COL5A2: variants seen among roughly 807,000 people sequenced by gnomAD.
COL5A2 encodes collagen type V alpha 2 chain.
Under a neutral mutation model 208.2 loss-of-function variants are expected in COL5A2, and 23 were observed. That is an observed-to-expected ratio of 0.11 (90% CI 0.08 to 0.16). The LOEUF (loss-of-function observed/expected upper bound fraction) is 0.16. Ranked by LOEUF, COL5A2 falls within the 10% of genes least tolerant of loss-of-function variation. COL5A2 has a pLI of 1.00. For missense variants in COL5A2, 1,590 were observed against 1,956.4 expected, an observed-to-expected ratio of 0.81 and a Z score of 3.53; for synonymous variants, 625 against 628.5, an observed-to-expected ratio of 0.99 and a Z score of 0.08.
At chr2:189,078,658 C>A in intron 15 of COL5A2, 89 bp from the exon 16 acceptor site, 1 of 1,069,974 alleles carries the variant, frequency 9.3e-7, no homozygotes, top group South Asian at 1.2e-5. Context: ...AATTGAGATT[C>A]AAGATAATTG....
At chr2:189,063,725 A>G (rs1419085080) in intron 26 of COL5A2, among the ~76,000 whole-genome samples, 5 of 152,208 alleles carry the variant, frequency 3.3e-5, no homozygotes, top group Admixed American at 3.3e-4. Context: ...ATTAAAAACT[A>G]TATCATTTTA....
chr2:189,192,969 G>GCTACTTATCACAAGAGGA (rs1379209274), intron 1 of COL5A2, among the ~76,000 whole-genome samples: 4 of 152,170 alleles, frequency 2.6e-5, no homozygotes, highest in African/African-American at 9.7e-5. Context: ...TCACAAGAGT[G>GCTACTTATCACAAGAGGA]CTACTTATCA....
chr2:189,201,083 A>G (rs1689062831), intron 1 of COL5A2, among the ~76,000 whole-genome samples: 2 of 152,042 alleles, frequency 1.3e-5, no homozygotes, highest in South Asian at 2.1e-4. Context: ...AACAAAAAAG[A>G]CTATTATTTT....
the COL5A2 span, among the ~76,000 whole-genome samples, chr2:189,329,086 A>G: frequency 6.6e-6 from 1 of 152,200 alleles, no homozygotes; most frequent in Non-Finnish European, 1.5e-5. Flanking sequence ...GTTTCCATCG[A>G]TGGGGAAGTG....
In COL5A2 at chr2:189,088,732, C is replaced by T; in HGVS notation, c.608G>A (p.Gly203Glu). 6.2e-7 allele frequency: 1 copy of T among 1,614,000 alleles called. No individual in the cohort carries two copies. The highest frequency in any genetic ancestry group is 8.5e-7 in the Non-Finnish European group (1 of 1,179,954). ...CATTAGTCCTACTTGACTCCCAAGT[C>T]CAGATTTTTCATCCAACCCAGCCAT... ...AQMAGLDEKS[G>E]LGSQVGLMPG... Residue 203 changes from glycine (G) to glutamate (E), a missense_variant, in exon 8 of 54, where the codon GGA (glycine) becomes GAA (glutamate). Gly to Glu is a moderately conservative substitution (Grantham distance 98). Coordinates refer to ENST00000374866, the MANE Select transcript of COL5A2 (RefSeq NM_000393.5).
At chr2:189,252,801 A>T in the COL5A2 span, among the ~76,000 whole-genome samples, 236 of 152,234 alleles carry the variant, frequency 1.6e-3, no homozygotes, top group African/African-American at 5.2e-3. Context: ...AAACATAAAA[A>T]ATAAAAAGAC....
intron 1 of COL5A2, among the ~76,000 whole-genome samples, chr2:189,127,329 G>C (rs1687626632): frequency 6.6e-6 from 1 of 151,956 alleles, no homozygotes; most frequent in Non-Finnish European, 1.5e-5. Flanking sequence ...AGAGTGAGTA[G>C]GATTTTGCCA....
At chr2:189,043,056 A>G in intron 48 of COL5A2, 95 bp downstream of exon 48, 1 of 918,404 alleles carries the variant, frequency 1.1e-6, no homozygotes, top group South Asian at 1.4e-5. Context: ...AGATACAAAC[A>G]TATCCACCTA....
At chr2:189,370,419 T>C in the COL5A2 span, among the ~76,000 whole-genome samples, 1 of 152,182 alleles carries the variant, frequency 6.6e-6, no homozygotes, top group South Asian at 2.1e-4. Flanking sequence ...ATCACATTAA[T>C]AGTGTAAAGT....
At chr2:189,383,811 G>C in the COL5A2 span, among the ~76,000 whole-genome samples, 1 of 151,686 alleles carries the variant, frequency 6.6e-6, no homozygotes, top group African/African-American at 2.4e-5. Context: ...TAAATTATTG[G>C]TAACTATCGT....
chr2:189,170,536 G>A (rs1688553682), intron 1 of COL5A2, among the ~76,000 whole-genome samples: 1 of 152,170 alleles, frequency 6.6e-6, no homozygotes, highest in Non-Finnish European at 1.5e-5. Context: ...GCAGAGGGAA[G>A]ATAAAAAGAG....
the COL5A2 span, among the ~76,000 whole-genome samples, chr2:189,306,614 T>G: frequency 7.2e-5 from 11 of 152,212 alleles, no homozygotes; most frequent in Non-Finnish European, 1.2e-4. Flanking sequence ...CAATGGGAAG[T>G]GACACAGATT....
intron 43 of COL5A2, 48 bp downstream of exon 43, chr2:189,050,521 T>C: frequency 7.2e-7 from 1 of 1,388,130 alleles, no homozygotes; most frequent in Non-Finnish European, 1.0e-6. Flanking sequence ...CTCTAAACAA[T>C]TTGTATTGCA....
At chr2:189,187,818 A>T (rs770702154) in intron 1 of COL5A2, among the ~76,000 whole-genome samples, 2 of 151,758 alleles carry the variant, frequency 1.3e-5, no homozygotes, top group African/African-American at 4.8e-5. Context: ...AAAAACAAAA[A>T]ATTAGCCAGG....
chr2:189,432,468 A>T, the COL5A2 span, among the ~76,000 whole-genome samples: 1 of 152,210 alleles, frequency 6.6e-6, no homozygotes, highest in African/African-American at 2.4e-5. Flanking sequence ...ATAGGCTCAA[A>T]ATAAAGGGAT....
intron 1 of COL5A2, among the ~76,000 whole-genome samples, chr2:189,160,796 T>A (rs1034247137): frequency 1.3e-5 from 2 of 151,826 alleles, no homozygotes; most frequent in Non-Finnish European, 2.9e-5. Context: ...AATTTCTTCA[T>A]GTACTTTTTC....
chr2:189,124,171 T>TA (rs1687563370), intron 1 of COL5A2, among the ~76,000 whole-genome samples: 1 of 152,084 alleles, frequency 6.6e-6, no homozygotes, highest in Non-Finnish European at 1.5e-5. Flanking sequence ...AAGAAGCAAT[T>TA]AAAATATACT....
At position 189,050,645 on chromosome 2, in the gene COL5A2, G is replaced by A. The variant is rs369072636; in HGVS notation, c.2963C>T (p.Thr988Met). Residue 988 changes from threonine (T) to methionine (M), a missense_variant, in exon 43 of 54, where the codon ACG (threonine) becomes ATG (methionine). Coordinates refer to ENST00000374866, the MANE Select transcript of COL5A2 (RefSeq NM_000393.5). ...GPDGPPGPAG[T>M]TGQRGIVGMP... ...GCCAACAATTCCTCTCTGCCCGGTC[G>A]TTCCAGCTGGACCAGGGGGGCCATC... The A allele has an allele frequency of 6.6e-5, 103 of 1,552,428 alleles. No individual in the cohort carries two copies. The highest frequency in any genetic ancestry group is 5.5e-4 in the African/African-American group (40 of 73,180).
At position 189,051,338 on chromosome 2, in the gene COL5A2, T is replaced by G. The variant is rs1417301679; in HGVS notation, c.2913A>C (p.Pro971=). Residue 971 remains proline (P), a synonymous_variant, in exon 42 of 54, where the codon CCA becomes CCC. Coordinates refer to ENST00000374866, the MANE Select transcript of COL5A2 (RefSeq NM_000393.5). ...AACTTACAGGTTGCCCATCTTCTCC[T>G]GGGTCCCCTTTGTCTCCTGGGCCAC... ...PPGGPGDKGD[P]GEDGQPGPDG... 1 of 1,614,158 alleles carries G rather than the reference T, an allele frequency of 6.2e-7. No homozygotes were observed. The highest frequency in any genetic ancestry group is 1.7e-5 in the Admixed American group (1 of 60,022).
Sources: allele counts gnomAD v4.1 joint callset (sites outside exome capture counted in the v4.1 genomes callset), GRCh38; gene constraint gnomAD v4.1.1; transcripts MANE v1.5; gene names NCBI Gene and HGNC (gene_info 2026-07-23, HGNC 2026-07-21).